Variants in ARHGAP24 observed in about 807,000 individuals in gnomAD.
ARHGAP24 encodes the protein rho GTPase-activating protein 24.
A neutral mutation model predicts 76.4 loss-of-function variants in ARHGAP24; 50 were observed. The observed-to-expected ratio is 0.65, with a 90% CI of 0.52 to 0.83. The LOEUF (loss-of-function observed/expected upper bound fraction) is 0.83. ARHGAP24 is among the 40% of genes least tolerant of loss of function. ARHGAP24 has a pLI of 0.00. For synonymous variants in ARHGAP24, 345 were observed against 323.3 expected (o/e 1.07, Z -0.72); for missense variants, 930 against 914.2 (o/e 1.02, Z -0.22).
intron 5 of ARHGAP24, among the ~76,000 whole-genome samples, chr4:85,959,983 G>A (rs919674669): frequency 3.9e-5 from 6 of 151,922 alleles, no homozygotes; most frequent in African/African-American, 1.2e-4. Flanking sequence ...GTAACCAGAG[G>A]CTTAGTTACT....
At chr4:85,845,141 G>T (rs1730807841) in intron 3 of ARHGAP24, among the ~76,000 whole-genome samples, 5 of 152,116 alleles carry the variant, frequency 3.3e-5, no homozygotes, top group Admixed American at 3.3e-4. Flanking sequence ...CAAAAGTATT[G>T]AATTGTGTCT....
chr4:85,700,084 C>A (rs951637463), intron 2 of ARHGAP24, among the ~76,000 whole-genome samples: 1 of 152,006 alleles, frequency 6.6e-6, no homozygotes, highest in African/African-American at 2.4e-5. Context: ...TAATAAGTGA[C>A]CAGTACATCT....
At chr4:85,562,995 T>G (rs190976962) in intron 1 of ARHGAP24, among the ~76,000 whole-genome samples, 1 of 152,196 alleles carries the variant, frequency 6.6e-6, no homozygotes. Context: ...GAATTGTTGC[T>G]CAAGTAATTT....
rs1560683088 is a variant in ARHGAP24, at chr4:85,867,910, C to CACACATATAT, written c.269-55737_269-55736insCACATATATA. ...ATGTGTGTGTGTACATATATATATA[C>CACACATATAT]ATATATGTACACACACACAAACCAA... On this transcript the variant is annotated intron_variant, in intron 3 of 9. Transcript: ENST00000395184. Among the ~76,000 whole-genome samples, 34 of 144,272 alleles carry CACACATATAT rather than the reference C, an allele frequency of 2.4e-4. No homozygotes were observed. In the East Asian group the frequency reaches 2.8e-3, roughly 12 times the overall value. 94.6% of individuals were successfully genotyped at this position (144,272 alleles called of 152,430 possible).
chr4:85,599,669 T>TTG lies in ARHGAP24; in HGVS notation c.180+28949_180+28950insGT, dbSNP rs1371125986. ...GAAATACACATGAATTGCTATTAAA[T>TTG]TATTTTTTTTTTGTATTATATGTAA... On this transcript the variant is annotated intron_variant, in intron 2 of 9. Coordinates refer to ENST00000395184, the MANE Select transcript of ARHGAP24 (RefSeq NM_001025616.3). Among the ~76,000 whole-genome samples, 970 of 151,804 alleles carry TTG rather than the reference T, an allele frequency of 6.4e-3. 14 individuals carry two copies. The highest frequency in any genetic ancestry group is 0.022 in the African/African-American group (927 of 41,398).
rs1210109366 is a variant in ARHGAP24, at chr4:85,733,060, C to CTTTTTTTTTTTTTTTTT, written c.268+11093_268+11109dup. Among the ~76,000 whole-genome samples the CTTTTTTTTTTTTTTTTT allele has an allele frequency of 5.1e-3, 280 of 55,212 alleles. 85 individuals carry two copies. Among genetic ancestry groups the CTTTTTTTTTTTTTTTTT allele is most frequent in the South Asian group, 6.9e-3 (6 of 868 alleles). The allele number at this position is 55,212 out of a possible 152,430, so 36.2% of individuals were successfully genotyped here. A position where few individuals can be genotyped will look rare whatever the true frequency, so the allele number is the denominator to read the frequency against. On this transcript the variant is annotated intron_variant, in intron 3 of 9. Coordinates refer to ENST00000395184, the MANE Select transcript of ARHGAP24 (RefSeq NM_001025616.3). ...CTATAGATCTTATAGGCCTCACCAA[C>CTTTTTTTTTTTTTTTTT]TTTTTTTTTTTTTTTTTTTTTGAGA...
chr4:85,681,562 G>A (rs146135062), intron 2 of ARHGAP24, among the ~76,000 whole-genome samples: 100 of 152,266 alleles, frequency 6.6e-4, no homozygotes, highest in African/African-American at 2.2e-3. Context: ...TTTTCTGAAT[G>A]CATCTGGAAA....
chr4:85,634,648 C>T (rs1422487702), intron 2 of ARHGAP24, among the ~76,000 whole-genome samples: 6 of 151,760 alleles, frequency 4.0e-5, no homozygotes, highest in Non-Finnish European at 7.4e-5. Flanking sequence ...TTGGATTGGA[C>T]CTCGGTTCCT....
intron 2 of ARHGAP24, among the ~76,000 whole-genome samples, chr4:85,626,971 A>G (rs946389579): frequency 9.9e-5 from 15 of 152,062 alleles, no homozygotes; most frequent in East Asian, 3.9e-4. Flanking sequence ...CTAGTTATCC[A>G]TTCGTCTAAT....
At chr4:85,680,224 A>G (rs924991308) in intron 2 of ARHGAP24, among the ~76,000 whole-genome samples, 2 of 152,182 alleles carry the variant, frequency 1.3e-5, no homozygotes, top group Non-Finnish European at 2.9e-5. Flanking sequence ...ATATGAAACT[A>G]CCAAATTCCA....
At chr4:85,502,076 G>A (rs1450633182) in intron 1 of ARHGAP24, among the ~76,000 whole-genome samples, 1 of 152,034 alleles carries the variant, frequency 6.6e-6, no homozygotes. Context: ...TGTTCCATTG[G>A]TCTATATCTC....
intron 3 of ARHGAP24, among the ~76,000 whole-genome samples, chr4:85,812,675 T>C (rs1351669045): frequency 2.0e-5 from 3 of 152,236 alleles, no homozygotes; most frequent in Non-Finnish European, 4.4e-5. Flanking sequence ...TTTCAGGAGA[T>C]ATGTTTCCAT....
At chr4:85,920,787 A>G (rs921737092) in intron 3 of ARHGAP24, among the ~76,000 whole-genome samples, 5 of 152,240 alleles carry the variant, frequency 3.3e-5, no homozygotes, top group African/African-American at 4.8e-5. Flanking sequence ...AACATCATTG[A>G]TCGTTAGAGA....
intron 2 of ARHGAP24, among the ~76,000 whole-genome samples, chr4:85,578,552 G>A (rs1727481453): frequency 6.6e-6 from 1 of 152,078 alleles, no homozygotes. Flanking sequence ...AGTCTGCCTG[G>A]GTTCAGTCTA....
intron 3 of ARHGAP24, among the ~76,000 whole-genome samples, chr4:85,884,148 T>A (rs765389701): frequency 1.3e-5 from 2 of 152,232 alleles, no homozygotes; most frequent in Admixed American, 1.3e-4. Flanking sequence ...CACTCTCAAC[T>A]GCTCCAATCA....
At chr4:85,984,965 G>A (rs1362298504) in intron 8 of ARHGAP24, among the ~76,000 whole-genome samples, 1 of 151,954 alleles carries the variant, frequency 6.6e-6, no homozygotes, top group Non-Finnish European at 1.5e-5. Flanking sequence ...GGGTTTATAG[G>A]CACCTGCGAC....
intron 3 of ARHGAP24, among the ~76,000 whole-genome samples, chr4:85,752,907 C>T (rs1336586271): frequency 6.6e-6 from 1 of 152,164 alleles, no homozygotes. Flanking sequence ...TACTTCTGAA[C>T]ATTACCAGAA....
At chr4:85,818,362 C>T (rs1379372335) in intron 3 of ARHGAP24, among the ~76,000 whole-genome samples, 7 of 152,088 alleles carry the variant, frequency 4.6e-5, no homozygotes, top group African/African-American at 1.2e-4. Context: ...TACTTAAAAT[C>T]GTCTCTCCAG....
intron 3 of ARHGAP24, among the ~76,000 whole-genome samples, chr4:85,845,608 C>T (rs79351938): frequency 0.012 from 1,886 of 152,100 alleles, 44 homozygotes; most frequent in African/African-American, 0.043. Context: ...TTTTTGCTTA[C>T]GCACACTTAA....
Sources: allele counts gnomAD v4.1 joint callset (sites outside exome capture counted in the v4.1 genomes callset), GRCh38; gene constraint gnomAD v4.1.1; transcripts MANE v1.5; gene names NCBI Gene and HGNC (gene_info 2026-07-23, HGNC 2026-07-21).